The following COMMD1 variants were observed in gnomAD, a reference collection of about 807,000 sequenced individuals.
COMMD1 encodes COMM domain-containing protein 1.
A neutral mutation model predicts 17.2 loss-of-function variants in COMMD1; 10 were observed. The observed-to-expected ratio is 0.58, with a 90% confidence interval of 0.36 to 0.99. The LOEUF is 0.99. Ranked by LOEUF, COMMD1 falls within the 50% of genes least tolerant of loss-of-function variation. The pLI is 0.01. For synonymous variants in COMMD1, 97 were observed against 91.6 expected (o/e 1.06, Z -0.34); for missense variants, 270 against 231.8 (o/e 1.17, Z -1.07).
At chr2:62,106,408 A>T (rs1178452822) in intron 2 of COMMD1, among the ~76,000 whole-genome samples, 1 of 152,192 alleles carries the variant, frequency 6.6e-6, no homozygotes, top group African/African-American at 2.4e-5. Context: ...AGCAAAAGAT[A>T]TGTATCTTTG....
intron 2 of COMMD1, among the ~76,000 whole-genome samples, chr2:62,052,516 C>G (rs899623981): frequency 6.6e-6 from 1 of 152,064 alleles, no homozygotes; most frequent in Non-Finnish European, 1.5e-5. Flanking sequence ...ATATCCACAT[C>G]ACACATCAGG....
At chr2:62,015,688 T>C (rs886553967) in intron 2 of COMMD1, among the ~76,000 whole-genome samples, 1 of 150,574 alleles carries the variant, frequency 6.6e-6, no homozygotes, top group African/African-American at 2.5e-5. Flanking sequence ...CACTTGTTAG[T>C]TTCTGGGTTT....
At chr2:62,005,214 A>G (rs1231169269) in intron 2 of COMMD1, among the ~76,000 whole-genome samples, 2 of 152,204 alleles carry the variant, frequency 1.3e-5, no homozygotes, top group Admixed American at 1.3e-4. Flanking sequence ...AGCCAAAATA[A>G]TTGGATTTGA....
At chr2:62,127,486 G>A (rs1005540505) in intron 2 of COMMD1, among the ~76,000 whole-genome samples, 1 of 152,058 alleles carries the variant, frequency 6.6e-6, no homozygotes, top group Non-Finnish European at 1.5e-5. Flanking sequence ...ATACTACAAG[G>A]CCACAATAAC....
intron 2 of COMMD1, among the ~76,000 whole-genome samples, chr2:62,104,698 T>C (rs146435722): frequency 1.8e-4 from 27 of 151,722 alleles, no homozygotes; most frequent in African/African-American, 6.0e-4. Flanking sequence ...TCCATTCTTA[T>C]GTTCTTCCCA....
At chr2:61,995,169 C>T (rs1348691666) in intron 1 of COMMD1, among the ~76,000 whole-genome samples, 2 of 152,052 alleles carry the variant, frequency 1.3e-5, no homozygotes, top group Admixed American at 1.3e-4. Context: ...TGGTCATTGT[C>T]AACCTCCAGG....
intron 1 of COMMD1, among the ~76,000 whole-genome samples, chr2:61,906,437 A>G (rs1572948065): frequency 6.6e-6 from 1 of 152,264 alleles, no homozygotes; most frequent in Non-Finnish European, 1.5e-5. Context: ...CCAAAGTATT[A>G]TCACTTCACA....
At chr2:62,048,254 C>G (rs1050482016) in intron 2 of COMMD1, among the ~76,000 whole-genome samples, 3 of 148,098 alleles carry the variant, frequency 2.0e-5, no homozygotes, top group Non-Finnish European at 4.4e-5. Context: ...GCGATCTCGG[C>G]TCACTGCAAC....
chr2:61,896,646 G>C (rs918735771), intron 1 of COMMD1, among the ~76,000 whole-genome samples: 3 of 152,094 alleles, frequency 2.0e-5, no homozygotes, highest in African/African-American at 7.2e-5. Flanking sequence ...GACTCCTGAA[G>C]TAGTTGAGAA....
chr2:62,102,935 C>A (rs1658714261), intron 2 of COMMD1, among the ~76,000 whole-genome samples: 1 of 151,422 alleles, frequency 6.6e-6, no homozygotes, highest in South Asian at 2.1e-4. Flanking sequence ...GCTTTAGATT[C>A]TTTGGTGTTA....
At chr2:61,937,963 C>G (rs1018944067) in intron 1 of COMMD1, among the ~76,000 whole-genome samples, 2 of 152,072 alleles carry the variant, frequency 1.3e-5, no homozygotes, top group African/African-American at 4.8e-5. Context: ...CACTCTCATG[C>G]GACAGTCCCT....
intron 1 of COMMD1, among the ~76,000 whole-genome samples, chr2:61,899,523 T>C (rs1010976993): frequency 6.6e-6 from 1 of 152,192 alleles, no homozygotes; most frequent in Non-Finnish European, 1.5e-5. Context: ...TCTGTATGTC[T>C]TTCTCCTGTT....
intron 2 of COMMD1, among the ~76,000 whole-genome samples, chr2:62,102,504 T>G (rs534095158): frequency 2.0e-5 from 3 of 152,296 alleles, no homozygotes; most frequent in African/African-American, 4.8e-5. Context: ...TTACTTCAAA[T>G]TGTAGTTCAT....
chr2:61,980,843 CA>C (rs1671934561), intron 1 of COMMD1, among the ~76,000 whole-genome samples: 1 of 152,140 alleles, frequency 6.6e-6, no homozygotes, highest in African/African-American at 2.4e-5. Flanking sequence ...GGATATAAGT[CA>C]TTTTAACTGG....
intron 2 of COMMD1, among the ~76,000 whole-genome samples, chr2:62,036,043 G>A (rs2103884663): frequency 2.0e-5 from 3 of 148,458 alleles, no homozygotes; most frequent in Admixed American, 2.0e-4. Flanking sequence ...GATAGAGTGA[G>A]ACCCTGTCTC....
At chr2:62,019,025 C>T (rs1010065510) in intron 2 of COMMD1, among the ~76,000 whole-genome samples, 5 of 131,456 alleles carry the variant, frequency 3.8e-5, no homozygotes. Context: ...CAACCAACTT[C>T]CCTCCCTCCC....
chr2:61,943,705 C>T (rs764593640), intron 1 of COMMD1, among the ~76,000 whole-genome samples: 4 of 151,916 alleles, frequency 2.6e-5, no homozygotes, highest in South Asian at 2.1e-4. Flanking sequence ...TGTGGTGGCA[C>T]GCACCTGTAA....
intron 2 of COMMD1, among the ~76,000 whole-genome samples, chr2:62,128,305 G>A (rs1672936961): frequency 6.6e-6 from 1 of 150,896 alleles, no homozygotes; most frequent in Non-Finnish European, 1.5e-5. Flanking sequence ...TCCAGCCTGG[G>A]CGACAGTGTG....
chr2:62,115,379 G>T (rs566020242), intron 2 of COMMD1, among the ~76,000 whole-genome samples: 1 of 152,356 alleles, frequency 6.6e-6, no homozygotes, highest in Admixed American at 6.5e-5. Context: ...GGAGAGGCCT[G>T]TTTGGCTGGA....
Sources: gnomAD v4.1 joint callset for allele counts (sites outside exome capture counted in the v4.1 genomes callset) on GRCh38, gnomAD v4.1.1 for gene constraint, MANE v1.5 for transcripts, NCBI Gene and HGNC (gene_info 2026-07-23, HGNC 2026-07-21) for gene names.